The following GCNT2 variants were observed in gnomAD, a reference collection of about 807,000 sequenced individuals.
GCNT2 encodes the protein N-acetyllactosaminide beta-1,6-N-acetylglucosaminyl-transferase.
Under a neutral mutation model 34.2 loss-of-function variants are expected in GCNT2, and 34 were observed. The ratio of observed to expected loss-of-function variants is 1.00; its 90% confidence interval spans 0.76 to 1.32. The LOEUF (loss-of-function observed/expected upper bound fraction) is 1.32, where lower values mean the gene tolerates loss of function less well. GCNT2 is among the 40% of genes most tolerant of loss of function. The pLI is 0.00. For synonymous variants in GCNT2, 212 were observed against 188.0 expected, an observed-to-expected ratio of 1.13 and a Z score of -1.04; for missense variants, 584 against 489.4, an observed-to-expected ratio of 1.19 and a Z score of -1.82.
At chr6:10,556,894 TG>T (rs1262843134) in intron 3 of GCNT2, 1 of 1,614,100 alleles carries the variant, frequency 6.2e-7, no homozygotes. Flanking sequence ...TGGAACCCGT[TG>T]TCTATGGAGG....
rs1436796266 is a variant in GCNT2 at position 10,585,802 on chromosome 6, A to G, written c.926-35549A>G. ...AGGGACGCACCGCATCTCCAGGCAC[A>G]TCCAAAAAGGATGGACGAGACACCG... On this transcript the variant is annotated intron_variant, in intron 3 of 4. Coordinates refer to ENST00000495262, the MANE Select transcript of GCNT2 (RefSeq NM_145649.5). The G allele has an allele frequency of 5.5e-6, 8 of 1,444,378 alleles. No homozygotes were observed. In the East Asian group the frequency reaches 1.7e-4, roughly 32 times the overall value. 89.5% of individuals were successfully genotyped at this position (1,444,378 alleles called of 1,614,324 possible).
intron 3 of GCNT2, chr6:10,575,358 ATTTT>A (rs55639937): frequency 2.8e-4 from 38 of 137,950 alleles, no homozygotes; most frequent in Non-Finnish European, 4.5e-4. Context: ...CTGGGTTGAC[ATTTT>A]TTTTTTTTTT....
chr6:10,586,970 C>T lies in GCNT2; in HGVS notation c.926-34381C>T, dbSNP rs966564217. On this transcript the variant is annotated intron_variant, in intron 3 of 4. Transcript: ENST00000495262. ...ATTGAGTTTGCTAACATTCTGCTCGCCTAGAGAACTGACTCATTTGAAATT... is the reference window on the plus strand; with the variant it reads ...ATTGAGTTTGCTAACATTCTGCTCGTCTAGAGAACTGACTCATTTGAAATT... 4 of 1,177,588 alleles carry T rather than the reference C, an allele frequency of 3.4e-6. No individual in the cohort carries two copies. In the African/African-American group the frequency reaches 6.0e-5, roughly 18 times the overall value. The allele number at this position is 1,177,588 out of a possible 1,614,324, so 72.9% of individuals were successfully genotyped here.
chr6:10,566,972 C>T (rs896255900), intron 3 of GCNT2, among the ~76,000 whole-genome samples: 9 of 152,084 alleles, frequency 5.9e-5, no homozygotes, highest in African/African-American at 2.2e-4. Flanking sequence ...TAACATAGCT[C>T]GTCTGCTCAA....
At chr6:10,580,401 C>T (rs995694137) in intron 3 of GCNT2, among the ~76,000 whole-genome samples, 1 of 152,204 alleles carries the variant, frequency 6.6e-6, no homozygotes, top group Non-Finnish European at 1.5e-5. Flanking sequence ...CGCACTGTGC[C>T]TTACCTGCCT....
chr6:10,534,776 C>A (rs1431595713), intron 3 of GCNT2, among the ~76,000 whole-genome samples: 1 of 152,148 alleles, frequency 6.6e-6, no homozygotes, highest in Non-Finnish European at 1.5e-5. Context: ...GCAGGAGGAT[C>A]ACTTGAGCCC....
chr6:10,526,837 C>T (rs774883015), intron 1 of GCNT2, among the ~76,000 whole-genome samples: 5 of 152,122 alleles, frequency 3.3e-5, no homozygotes, highest in Non-Finnish European at 7.4e-5. Context: ...GAAAATGAGC[C>T]AGGTGCAGTG....
intron 4 of GCNT2, among the ~76,000 whole-genome samples, chr6:10,626,015 G>A (rs765351661): frequency 6.6e-6 from 1 of 152,078 alleles, no homozygotes; most frequent in Non-Finnish European, 1.5e-5. Flanking sequence ...TTTTTGGATC[G>A]TGGTTGACTT....
rs951705360 is a variant in GCNT2 at position 10,626,463 on chromosome 6, G to A, written c.1065G>A (p.Lys355=). The A allele has an allele frequency of 3.7e-6, 6 of 1,613,616 alleles. No homozygotes were observed. The change falls in exon 5 of 5, where the codon AAG becomes AAA. Residue 355 remains lysine, a synonymous_variant. Transcript: ENST00000495262. The part of the protein sequence containing the change: ...GICIYGNGDL[K]WLVNSPSLFA... The stretch of plus-strand genomic sequence containing the variant: ...GTATCTATGGAAACGGAGACTTAAA[G>A]TGGCTGGTTAATTCACCAAGCCTGT...
intron 3 of GCNT2, among the ~76,000 whole-genome samples, chr6:10,569,115 AT>A: frequency 6.6e-6 from 1 of 152,114 alleles, no homozygotes; most frequent in Admixed American, 6.5e-5. Flanking sequence ...CTGACAGGAA[AT>A]ATTTATTGAA....
At chr6:10,606,325 C>G (rs1338676677) in intron 3 of GCNT2, among the ~76,000 whole-genome samples, 3 of 152,014 alleles carry the variant, frequency 2.0e-5, no homozygotes, top group Non-Finnish European at 2.9e-5. Context: ...GTCAGGTTTG[C>G]TAATGTCCCA....
chr6:10,545,129 C>G (rs1023480705), intron 3 of GCNT2, among the ~76,000 whole-genome samples: 3 of 151,848 alleles, frequency 2.0e-5, no homozygotes, highest in Non-Finnish European at 4.4e-5. Flanking sequence ...CCCCCCAGCC[C>G]CCTCCTTTCT....
At chr6:10,586,216 A>G (rs756792979) in intron 3 of GCNT2, 2 of 1,614,186 alleles carry the variant, frequency 1.2e-6, no homozygotes, top group Non-Finnish European at 1.7e-6. Flanking sequence ...CCTTGCAAGG[A>G]TTACCTGACC....
At chr6:10,572,603 G>A (rs991897538) in intron 3 of GCNT2, among the ~76,000 whole-genome samples, 4 of 152,022 alleles carry the variant, frequency 2.6e-5, no homozygotes, top group South Asian at 2.1e-4. Context: ...ACCTAGTGGC[G>A]GGCGCCTGTA....
intron 3 of GCNT2, among the ~76,000 whole-genome samples, chr6:10,619,881 A>G (rs904344724): frequency 6.6e-6 from 1 of 152,210 alleles, no homozygotes; most frequent in Non-Finnish European, 1.5e-5. Flanking sequence ...GAGGCCACTC[A>G]CATTCCTGGC....
chr6:10,613,965 A>T (rs1354854477), intron 3 of GCNT2, among the ~76,000 whole-genome samples: 1 of 152,208 alleles, frequency 6.6e-6, no homozygotes, highest in East Asian at 1.9e-4. Context: ...GCAGGCAGGA[A>T]ACAGGCTTAA....
In GCNT2 at chr6:10,528,699, C is replaced by T. The variant is rs538438136; in HGVS notation, c.-213C>T. 21 of 601,928 alleles carry T rather than the reference C, an allele frequency of 3.5e-5. No individual in the cohort carries two copies. In the Admixed American group the frequency reaches 6.2e-4, roughly 18 times the overall value. 37.3% of individuals were successfully genotyped at this position (601,928 alleles called of 1,614,324 possible). A position where few individuals can be genotyped will look rare whatever the true frequency, so the allele number is the denominator to read the frequency against. ...AAGGAGCCACTTCAGAAATGTGTCA[C>T]AGAAAAGTGAAAATGCAACCTAGTG... On this transcript the variant is annotated 5_prime_UTR_variant, in exon 3 of 5. The change creates a premature stop within an existing upstream ORF in the 5' untranslated region. Coordinates refer to ENST00000495262, the MANE Select transcript of GCNT2 (RefSeq NM_145649.5).
At chr6:10,571,523 T>C (rs1406968841) in intron 3 of GCNT2, among the ~76,000 whole-genome samples, 2 of 152,014 alleles carry the variant, frequency 1.3e-5, no homozygotes, top group African/African-American at 2.4e-5. Context: ...CGGCAAATTT[T>C]TGTATTTTTA....
intron 3 of GCNT2, among the ~76,000 whole-genome samples, chr6:10,536,956 G>A (rs961602512): frequency 6.6e-6 from 1 of 151,972 alleles, no homozygotes; most frequent in South Asian, 2.1e-4. Context: ...AGTAGAGATG[G>A]GGTTTCACCA....
Sources: gnomAD v4.1 joint callset for allele counts (sites outside exome capture counted in the v4.1 genomes callset) on GRCh38, gnomAD v4.1.1 for gene constraint, MANE v1.5 for transcripts, NCBI Gene and HGNC (gene_info 2026-07-23, HGNC 2026-07-21) for gene names.